Variants in CCDC6 observed in about 807,000 individuals in gnomAD.
CCDC6 encodes the protein coiled-coil domain containing 6, also known as coiled-coil domain-containing protein 6.
CCDC6 carries 20 observed loss-of-function variants against 56.6 expected under a neutral mutation model. The observed-to-expected ratio is 0.35, with a 90% CI of 0.25 to 0.51. CCDC6 has a LOEUF of 0.51. Among genes scored for constraint, CCDC6 ranks in the 20% least tolerant of loss-of-function variants. The pLI, the probability that CCDC6 is intolerant of heterozygous loss-of-function variation, is 0.95. For missense variants in CCDC6, 367 were observed against 601.1 expected (o/e 0.61, Z 4.07); for synonymous variants, 241 against 234.4 (o/e 1.03, Z -0.26).
chr10:59,811,109 A>G (rs1177500878), intron 5 of CCDC6, among the ~76,000 whole-genome samples: 1 of 152,218 alleles, frequency 6.6e-6, no homozygotes, highest in Non-Finnish European at 1.5e-5. Context: ...CCCTGATTTT[A>G]GCCTAGTGAG....
intron 1 of CCDC6, among the ~76,000 whole-genome samples, chr10:59,883,416 G>A (rs2071360520): frequency 6.6e-6 from 1 of 152,160 alleles, no homozygotes; most frequent in South Asian, 2.1e-4. Context: ...TGTCCCTGAT[G>A]AGCCAACTGT....
At chr10:59,872,159 T>C (rs945768592) in intron 1 of CCDC6, among the ~76,000 whole-genome samples, 3 of 152,238 alleles carry the variant, frequency 2.0e-5, no homozygotes, top group African/African-American at 7.2e-5. Flanking sequence ...CCAATAATTT[T>C]TGATGTTGTA....
At chr10:59,885,923 C>T (rs867636200) in intron 1 of CCDC6, among the ~76,000 whole-genome samples, 6 of 14,538 alleles carry the variant, frequency 4.1e-4, no homozygotes, top group East Asian at 0.016. Context: ...CCGCCCCCCG[C>T]CCCCCCAACT....
chr10:59,851,907 C>G (rs1377249863), intron 2 of CCDC6, among the ~76,000 whole-genome samples: 1 of 142,226 alleles, frequency 7.0e-6, no homozygotes, highest in Non-Finnish European at 1.6e-5. Flanking sequence ...TTGTACTTTA[C>G]CAGTAAGCTT....
intron 1 of CCDC6, among the ~76,000 whole-genome samples, chr10:59,887,811 C>CT (rs955371146): frequency 1.3e-5 from 2 of 151,958 alleles, no homozygotes; most frequent in Non-Finnish European, 2.9e-5. Context: ...CTATCAGACC[C>CT]TTTTTTTAAC....
intron 1 of CCDC6, among the ~76,000 whole-genome samples, chr10:59,893,418 G>T (rs1033693149): frequency 6.6e-6 from 1 of 152,036 alleles, no homozygotes; most frequent in Non-Finnish European, 1.5e-5. Context: ...GGGCAACCAT[G>T]TGAAACCATG....
intron 2 of CCDC6, among the ~76,000 whole-genome samples, chr10:59,845,779 C>G (rs886265403): frequency 6.6e-6 from 1 of 152,198 alleles, no homozygotes; most frequent in Non-Finnish European, 1.5e-5. Flanking sequence ...CCCTGAAAAA[C>G]AAGCCAGGAG....
intron 1 of CCDC6, among the ~76,000 whole-genome samples, chr10:59,865,329 C>T (rs1023822201): frequency 6.6e-6 from 1 of 152,154 alleles, no homozygotes; most frequent in African/African-American, 2.4e-5. Flanking sequence ...ACAGGGGGAG[C>T]TCTGTGATAA....
At chr10:59,847,285 C>T in intron 2 of CCDC6, among the ~76,000 whole-genome samples, 1 of 106,476 alleles carries the variant, frequency 9.4e-6, no homozygotes, top group African/African-American at 5.7e-5. Flanking sequence ...GATCTCCTGA[C>T]CTCGTGATCC....
chr10:59,801,327 G>A (rs370406630), intron 7 of CCDC6, among the ~76,000 whole-genome samples: 1 of 152,072 alleles, frequency 6.6e-6, no homozygotes, highest in African/African-American at 2.4e-5. Context: ...AACTCTATCT[G>A]ATCTGGCTTC....
chr10:59,812,139 T>C (rs1380587827), intron 5 of CCDC6, among the ~76,000 whole-genome samples: 2 of 147,728 alleles, frequency 1.4e-5, no homozygotes, highest in Non-Finnish European at 3.0e-5. Flanking sequence ...TATTCAGAAA[T>C]CTAGTCCTTT....
intron 2 of CCDC6, among the ~76,000 whole-genome samples, chr10:59,844,671 TG>T: frequency 5.2e-5 from 2 of 38,636 alleles, no homozygotes; most frequent in Middle Eastern, 0.013. Flanking sequence ...GAGAATCACT[TG>T]AATCACTTGA....
chr10:59,819,623 T>G (rs1370032362), intron 3 of CCDC6, among the ~76,000 whole-genome samples: 7 of 152,134 alleles, frequency 4.6e-5, no homozygotes, highest in Admixed American at 1.3e-4. Context: ...GTTTCCAGGG[T>G]AGTAAGTTGG....
intron 1 of CCDC6, among the ~76,000 whole-genome samples, chr10:59,901,068 A>G (rs1440283210): frequency 6.6e-6 from 1 of 152,210 alleles, no homozygotes; most frequent in Non-Finnish European, 1.5e-5. Flanking sequence ...CAAAAAAAAC[A>G]AACGGTTTTT....
chr10:59,895,612 A>G (rs1260121960), intron 1 of CCDC6, among the ~76,000 whole-genome samples: 2 of 152,356 alleles, frequency 1.3e-5, no homozygotes, highest in East Asian at 1.9e-4. Context: ...CAGCAACACA[A>G]AAAGATTTGG....
chr10:59,857,300 T>C (rs932436138), intron 1 of CCDC6, among the ~76,000 whole-genome samples: 36 of 152,206 alleles, frequency 2.4e-4, no homozygotes, highest in African/African-American at 8.7e-4. Flanking sequence ...CTAAATTAAA[T>C]TAGCATAATT....
chr10:59,888,238 C>A (rs771645991), intron 1 of CCDC6, among the ~76,000 whole-genome samples: 11 of 152,250 alleles, frequency 7.2e-5, no homozygotes, highest in African/African-American at 2.4e-4. Flanking sequence ...GCCAGTCCAT[C>A]TTCCGAGGGC....
At position 59,790,636 on chromosome 10, in the gene CCDC6, C is replaced by A. The variant is rs1394960005; in HGVS notation, c.*2281G>T. 1.4e-5 allele frequency: 3 copies of A among 220,990 alleles called. No homozygotes were observed. The South Asian group carries it at 5.6e-4, about 41-fold the overall frequency. The allele number at this position is 220,990 out of a possible 1,614,324, so 13.7% of individuals were successfully genotyped here. ...AGTTCTGAATGTCCACAGGGAGAGG[C>A]AACTAGATTTATGTGGAAAAAGTGC... On this transcript the variant is annotated 3_prime_UTR_variant, in exon 9 of 9. Coordinates refer to ENST00000263102, the MANE Select transcript of CCDC6 (RefSeq NM_005436.5).
At chr10:59,842,132 T>C (rs2070945145) in intron 2 of CCDC6, among the ~76,000 whole-genome samples, 1 of 151,342 alleles carries the variant, frequency 6.6e-6, no homozygotes, top group Non-Finnish European at 1.5e-5. Flanking sequence ...AACCTCTGCC[T>C]CCTGGTTCAA....
Sources: allele counts gnomAD v4.1 joint callset (sites outside exome capture counted in the v4.1 genomes callset), GRCh38; gene constraint gnomAD v4.1.1; transcripts MANE v1.5; gene names NCBI Gene and HGNC (gene_info 2026-07-23, HGNC 2026-07-21).